Variants in TTLL11 observed in about 807,000 individuals in gnomAD.
TTLL11 encodes tubulin tyrosine ligase like 11.
A neutral mutation model predicts 51.7 loss-of-function variants in TTLL11; 42 were observed. The observed-to-expected ratio is 0.81, with a 90% confidence interval of 0.64 to 1.05. The LOEUF is 1.05. Among genes scored for constraint, TTLL11 ranks in the 50% least tolerant of loss-of-function variants. TTLL11 has a pLI of 0.00. For missense variants in TTLL11, 799 were observed against 940.4 expected (o/e 0.85, Z 1.97); for synonymous variants, 381 against 383.5 (o/e 0.99, Z 0.08).
At chr9:122,034,088 A>C (rs1346335827) in intron 2 of TTLL11, among the ~76,000 whole-genome samples, 2 of 152,238 alleles carry the variant, frequency 1.3e-5, no homozygotes, top group African/African-American at 4.8e-5. Context: ...AACTAACTGT[A>C]ATACAGCACC....
intron 6 of TTLL11, among the ~76,000 whole-genome samples, chr9:121,956,783 G>A (rs1842033269): frequency 1.3e-5 from 2 of 152,342 alleles, no homozygotes; most frequent in African/African-American, 4.8e-5. Context: ...AGAAACTCTG[G>A]GAGTACAGTT....
intron 1 of TTLL11, among the ~76,000 whole-genome samples, chr9:122,045,741 T>G (rs529465231): frequency 6.6e-6 from 1 of 152,332 alleles, no homozygotes; most frequent in East Asian, 1.9e-4. Context: ...AGGAAATTCT[T>G]CTACAACATG....
intron 1 of TTLL11, among the ~76,000 whole-genome samples, chr9:122,080,594 G>A (rs1160101815): frequency 3.3e-5 from 5 of 152,014 alleles, no homozygotes; most frequent in Non-Finnish European, 7.4e-5. Context: ...TTTGGAGGCT[G>A]GGGTGGGAGG....
At chr9:121,830,726 A>G (rs1485796610) in intron 8 of TTLL11, among the ~76,000 whole-genome samples, 3 of 152,186 alleles carry the variant, frequency 2.0e-5, no homozygotes, top group Non-Finnish European at 4.4e-5. Flanking sequence ...TCTCCATGCC[A>G]TCTCCTAGGC....
intron 6 of TTLL11, among the ~76,000 whole-genome samples, chr9:121,897,645 C>CGT (rs1373770664): frequency 1.3e-5 from 2 of 151,990 alleles, no homozygotes; most frequent in East Asian, 1.9e-4. Flanking sequence ...CACACACGCG[C>CGT]GCGCGAAGTC....
intron 6 of TTLL11, among the ~76,000 whole-genome samples, chr9:121,939,006 A>C (rs1841343515): frequency 6.6e-6 from 1 of 152,230 alleles, no homozygotes; most frequent in South Asian, 2.1e-4. Flanking sequence ...AACCAGTAAA[A>C]TAGAAGATGC....
intron 6 of TTLL11, among the ~76,000 whole-genome samples, chr9:121,927,076 A>AC (rs1369170976): frequency 1.3e-5 from 2 of 152,156 alleles, no homozygotes; most frequent in Non-Finnish European, 2.9e-5. Flanking sequence ...AACTCCTAAG[A>AC]CCATCACATG....
At chr9:122,031,501 C>T (rs1844541207) in intron 3 of TTLL11, among the ~76,000 whole-genome samples, 1 of 152,178 alleles carries the variant, frequency 6.6e-6, no homozygotes, top group African/African-American at 2.4e-5. Context: ...AGGGCTGTCT[C>T]CTTGTGTCAA....
chr9:121,872,553 G>A (rs1294969162), intron 6 of TTLL11, among the ~76,000 whole-genome samples: 1 of 152,232 alleles, frequency 6.6e-6, no homozygotes. Flanking sequence ...TTTGTAACCT[G>A]TAAGTGCTTT....
At chr9:121,911,266 G>A (rs1024370548) in intron 6 of TTLL11, among the ~76,000 whole-genome samples, 2 of 152,020 alleles carry the variant, frequency 1.3e-5, no homozygotes, top group Admixed American at 1.3e-4. Context: ...GCATGGTGGC[G>A]GGCGTCTGTA....
intron 3 of TTLL11, among the ~76,000 whole-genome samples, chr9:122,013,254 T>TGCAA (rs929734895): frequency 9.2e-5 from 14 of 152,210 alleles, no homozygotes; most frequent in African/African-American, 3.4e-4. Context: ...CCTGGAACAC[T>TGCAA]GCAAATAGCA....
At chr9:122,039,982 C>A (rs1357050886) in intron 1 of TTLL11, among the ~76,000 whole-genome samples, 2 of 152,050 alleles carry the variant, frequency 1.3e-5, no homozygotes, top group African/African-American at 4.8e-5. Flanking sequence ...TAAAGACTTC[C>A]TGAATTAATA....
intron 7 of TTLL11, 24 bp downstream of exon 7, chr9:121,870,473 C>T (rs2131396408): frequency 6.5e-7 from 1 of 1,546,050 alleles, no homozygotes; most frequent in East Asian, 2.4e-5. Flanking sequence ...AAAGCCCAAG[C>T]CAGAGGGGGC....
intron 3 of TTLL11, among the ~76,000 whole-genome samples, chr9:122,006,767 T>C (rs1191908790): frequency 6.6e-6 from 1 of 152,144 alleles, no homozygotes; most frequent in Non-Finnish European, 1.5e-5. Flanking sequence ...GGAAGATTAC[T>C]TGAGGCCAGG....
Position 122,069,728 on chromosome 9 carries a change from C to T in TTLL11, c.462+22959G>A, listed in dbSNP as rs185799481. Reference sequence around the variant, plus strand: ...AAGAAGGGCCAGAAGGGATGGGACTCCGAGGGAGTGGAGTCTGGTCACTCT... The same window carrying T: ...AAGAAGGGCCAGAAGGGATGGGACTTCGAGGGAGTGGAGTCTGGTCACTCT... On this transcript the variant is annotated intron_variant, in intron 1 of 8. Coordinates refer to ENST00000321582, the MANE Select transcript of TTLL11 (RefSeq NM_001139442.2). Among the ~76,000 whole-genome samples, 346 of 152,048 alleles carry T rather than the reference C, an allele frequency of 2.3e-3. 1 individual carries two copies. The highest frequency in any genetic ancestry group is 7.8e-3 in the African/African-American group (325 of 41,502).
intron 6 of TTLL11, among the ~76,000 whole-genome samples, chr9:121,951,636 A>G (rs1588149075): frequency 1.3e-5 from 2 of 152,224 alleles, no homozygotes; most frequent in Admixed American, 6.5e-5. Context: ...TTAACAAAGT[A>G]GAAGAATTCC....
chr9:122,001,682 A>G (rs1272609147), intron 3 of TTLL11, among the ~76,000 whole-genome samples: 1 of 152,174 alleles, frequency 6.6e-6, no homozygotes, highest in Admixed American at 6.5e-5. Flanking sequence ...TCTGGGCAAC[A>G]GCTCTGACCT....
At chr9:122,020,916 A>C (rs1407410004) in intron 3 of TTLL11, among the ~76,000 whole-genome samples, 3 of 152,224 alleles carry the variant, frequency 2.0e-5, no homozygotes, top group Non-Finnish European at 4.4e-5. Context: ...TTCGTCACCC[A>C]GTTTATGATA....
At chr9:122,001,602 G>A (rs913894667) in intron 3 of TTLL11, among the ~76,000 whole-genome samples, 1 of 152,140 alleles carries the variant, frequency 6.6e-6, no homozygotes, top group Non-Finnish European at 1.5e-5. Context: ...GAGTCCCAGC[G>A]GCACAGCCTG....
Sources: allele counts gnomAD v4.1 joint callset (sites outside exome capture counted in the v4.1 genomes callset), GRCh38; gene constraint gnomAD v4.1.1; transcripts MANE v1.5; gene names NCBI Gene and HGNC (gene_info 2026-07-23, HGNC 2026-07-21).